Variants in AP3S2 observed in about 807,000 individuals in gnomAD.
AP3S2 encodes adaptor related protein complex 3 subunit sigma 2.
A neutral mutation model predicts 23.4 loss-of-function variants in AP3S2; 22 were observed. The observed-to-expected ratio is 0.94, with a 90% confidence interval of 0.67 to 1.34. The LOEUF (loss-of-function observed/expected upper bound fraction) is 1.34, where lower values mean the gene tolerates loss of function less well. AP3S2 is among the 40% of genes most tolerant of loss of function. The probability of loss-of-function intolerance (pLI) is 0.00; values close to 1 mark genes in which losing one functional copy is unlikely to be tolerated. For missense variants in AP3S2, 241 were observed against 236.9 expected, an observed-to-expected ratio of 1.02 and a Z score of -0.11; for synonymous variants, 86 against 87.1, an observed-to-expected ratio of 0.99 and a Z score of 0.07.
chr15:89,889,972 T>A (rs1896783258), intron 1 of AP3S2, among the ~76,000 whole-genome samples: 1 of 151,376 alleles, frequency 6.6e-6, no homozygotes, highest in Admixed American at 6.6e-5. Flanking sequence ...ATATAGATAC[T>A]ACATATAAGA....
At chr15:89,887,109 A>G (rs1596223094) in intron 3 of AP3S2, among the ~76,000 whole-genome samples, 3 of 152,006 alleles carry the variant, frequency 2.0e-5, no homozygotes, top group Non-Finnish European at 4.4e-5. Context: ...AGCTCTTTCT[A>G]TTATGCTGAT....
chr15:89,842,116 T>C (rs1001838994), intron 4 of AP3S2, among the ~76,000 whole-genome samples: 3 of 151,772 alleles, frequency 2.0e-5, no homozygotes, highest in Non-Finnish European at 4.4e-5. Flanking sequence ...GGAAAAATAC[T>C]GTTACAGAAA....
Position 89,853,980 on chromosome 15 carries a change from C to T in AP3S2, c.346-16258G>A, listed in dbSNP as rs1383352606. 8.4e-5 allele frequency among the ~76,000 whole-genome samples: 4 copies of T among 47,498 alleles called. 1 individual carries two copies. Among genetic ancestry groups the T allele is most frequent in the African/African-American group, 1.5e-4 (2 of 13,030 alleles). 31.2% of individuals were successfully genotyped at this position (47,498 alleles called of 152,430 possible). ...GCCACCCCATCTGGGAAGTGAGGAG[C>T]GTCTCCGCCCGGCAGCCACCCCGTC... is the stretch of plus-strand genomic sequence containing the variant. On this transcript the variant is annotated intron_variant, in intron 4 of 5. Transcript: ENST00000336418.
intron 4 of AP3S2, among the ~76,000 whole-genome samples, chr15:89,869,786 C>T (rs983038327): frequency 6.6e-6 from 1 of 151,516 alleles, no homozygotes; most frequent in Non-Finnish European, 1.5e-5. Flanking sequence ...CACAGTCTCG[C>T]TCTGTTGCCC....
At chr15:89,836,678 C>T (rs1555444806) in intron 5 of AP3S2, among the ~76,000 whole-genome samples, 1 of 152,120 alleles carries the variant, frequency 6.6e-6, no homozygotes, top group Non-Finnish European at 1.5e-5. Flanking sequence ...GCCTTCTTTC[C>T]GGATACCAAC....
chr15:89,855,879 G>A (rs1596198400), intron 4 of AP3S2, among the ~76,000 whole-genome samples: 1 of 113,398 alleles, frequency 8.8e-6, no homozygotes, highest in African/African-American at 3.3e-5. Context: ...CTTTCTCAAA[G>A]AAAATGTATT....
At chr15:89,865,972 T>C (rs1365411239) in intron 4 of AP3S2, among the ~76,000 whole-genome samples, 2 of 152,134 alleles carry the variant, frequency 1.3e-5, no homozygotes, top group Non-Finnish European at 2.9e-5. Context: ...AAAGTCACCT[T>C]GGAGGCTGGG....
At chr15:89,887,173 G>A (rs566703202) in intron 3 of AP3S2, among the ~76,000 whole-genome samples, 26 of 152,130 alleles carry the variant, frequency 1.7e-4, no homozygotes, top group Admixed American at 1.5e-3. Flanking sequence ...AATTATCTCC[G>A]AGATGCATCT....
At chr15:89,878,135 T>C (rs1896486235) in intron 3 of AP3S2, 1 of 506,176 alleles carries the variant, frequency 2.0e-6, no homozygotes, top group Non-Finnish European at 3.5e-6. Flanking sequence ...GTTATGCAGA[T>C]GTTCGTTAGA....
At chr15:89,839,474 A>C (rs1330645455) in intron 4 of AP3S2, among the ~76,000 whole-genome samples, 1 of 152,242 alleles carries the variant, frequency 6.6e-6, no homozygotes, top group African/African-American at 2.4e-5. Flanking sequence ...ATGAAGATTT[A>C]ATGGTAAAAG....
intron 4 of AP3S2, among the ~76,000 whole-genome samples, chr15:89,866,879 G>C (rs1397421184): frequency 2.0e-5 from 3 of 152,134 alleles, no homozygotes; most frequent in African/African-American, 7.2e-5. Context: ...TGATAAAAAA[G>C]ACAGCATTGG....
intron 4 of AP3S2, among the ~76,000 whole-genome samples, chr15:89,858,093 T>G (rs1418339306): frequency 6.6e-6 from 1 of 152,090 alleles, no homozygotes; most frequent in Admixed American, 6.6e-5. Context: ...CTAGCCTACC[T>G]TGATTGATAC....
intron 4 of AP3S2, chr15:89,845,198 T>G (rs116067418): frequency 6.6e-6 from 1 of 152,318 alleles, no homozygotes; most frequent in African/African-American, 2.4e-5. Context: ...TGAGCCACCA[T>G]GCACAGCCAG....
At chr15:89,857,033 A>T (rs1035922939) in intron 4 of AP3S2, among the ~76,000 whole-genome samples, 2 of 152,214 alleles carry the variant, frequency 1.3e-5, no homozygotes, top group Non-Finnish European at 2.9e-5. Context: ...TTTACAATCT[A>T]CTAGAAACAG....
At chr15:89,837,470 T>G in intron 5 of AP3S2, 145 bp downstream of exon 5, 11 of 922,010 alleles carry the variant, frequency 1.2e-5, no homozygotes, top group South Asian at 3.4e-5. Context: ...TTCAAATCCA[T>G]GAGTTTCAAT....
chr15:89,890,353 T>C (rs1044193726), intron 1 of AP3S2, among the ~76,000 whole-genome samples: 2 of 152,202 alleles, frequency 1.3e-5, no homozygotes, highest in African/African-American at 2.4e-5. Flanking sequence ...TCTGGCCTTA[T>C]TTTTTCACTT....
intron 4 of AP3S2, among the ~76,000 whole-genome samples, chr15:89,858,358 T>G (rs1895891756): frequency 6.6e-6 from 1 of 151,842 alleles, no homozygotes; most frequent in South Asian, 2.1e-4. Flanking sequence ...GGAGAATTGC[T>G]TGAACCCAGG....
chr15:89,860,724 CAA>C (rs950469033), intron 4 of AP3S2, among the ~76,000 whole-genome samples: 1 of 145,772 alleles, frequency 6.9e-6, no homozygotes, highest in Non-Finnish European at 1.5e-5. Flanking sequence ...TTACTTAAGC[CAA>C]AAAAAAAAAT....
In AP3S2 at chr15:89,893,989, G is replaced by C. The variant is rs866447687; in HGVS notation, c.-40C>G. ...GTTCTCTCAGCACCGGCTACTCCCA[G>C]AAAGCTCCTCCTTCCGCCACAACAC... On this transcript the variant is annotated 5_prime_UTR_variant, in exon 1 of 6. Coordinates refer to ENST00000336418, the MANE Select transcript of AP3S2 (RefSeq NM_005829.5). 3 of 1,543,730 alleles carry C rather than the reference G, an allele frequency of 1.9e-6. No individual in the cohort carries two copies. The South Asian group carries it at 3.6e-5, about 18-fold the overall frequency.
Sources: allele counts gnomAD v4.1 joint callset (sites outside exome capture counted in the v4.1 genomes callset), GRCh38; gene constraint gnomAD v4.1.1; transcripts MANE v1.5; gene names NCBI Gene and HGNC (gene_info 2026-07-23, HGNC 2026-07-21).